Variants in SORCS3 observed in about 807,000 individuals in gnomAD.
The protein encoded by SORCS3 is sortilin related VPS10 domain containing receptor 3, also known as VPS10 domain-containing receptor SorCS3.
SORCS3 carries 57 observed loss-of-function variants against 146.3 expected under a neutral mutation model. That is an observed-to-expected ratio of 0.39 (90% CI 0.31 to 0.49). The LOEUF (loss-of-function observed/expected upper bound fraction) is 0.49, where lower values mean the gene tolerates loss of function less well. SORCS3 is among the 20% of genes least tolerant of loss of function. SORCS3 has a pLI of 0.92. For synonymous variants in SORCS3, 653 were observed against 618.5 expected, an observed-to-expected ratio of 1.06 and a Z score of -0.83; for missense variants, 1,341 against 1,575.5, an observed-to-expected ratio of 0.85 and a Z score of 2.52.
At chr10:105,072,793 G>A (rs975410576) in intron 5 of SORCS3, among the ~76,000 whole-genome samples, 1 of 151,846 alleles carries the variant, frequency 6.6e-6, no homozygotes, top group Admixed American at 6.6e-5. Flanking sequence ...ATTTATGCAG[G>A]CAAAATGGGG....
At chr10:104,771,225 G>A (rs185230128) in intron 1 of SORCS3, among the ~76,000 whole-genome samples, 67 of 152,330 alleles carry the variant, frequency 4.4e-4, no homozygotes, top group African/African-American at 1.3e-3. Flanking sequence ...CAGAATTTGC[G>A]TTTAGCACTA....
intron 4 of SORCS3, among the ~76,000 whole-genome samples, chr10:105,022,105 A>G (rs954131122): frequency 6.6e-6 from 1 of 152,180 alleles, no homozygotes; most frequent in Admixed American, 6.5e-5. Flanking sequence ...ATTCCACATT[A>G]TAGTACAGTG....
At chr10:104,740,197 T>G (rs1461734282) in intron 1 of SORCS3, among the ~76,000 whole-genome samples, 1 of 152,234 alleles carries the variant, frequency 6.6e-6, no homozygotes, top group African/African-American at 2.4e-5. Context: ...ATTAATTATT[T>G]ATGACAAATT....
chr10:105,011,386 T>C lies in SORCS3; in HGVS notation c.955-31669T>C, dbSNP rs188677414. Among the ~76,000 whole-genome samples the C allele has an allele frequency of 2.6e-5, 4 of 152,306 alleles. No homozygotes were observed. The East Asian group carries it at 7.7e-4, about 29-fold the overall frequency. On this transcript the variant is annotated intron_variant, in intron 4 of 26. Coordinates refer to ENST00000369701, the MANE Select transcript of SORCS3 (RefSeq NM_014978.3). ...CAGAAAAACAGTGATATGCTTTTTGTCTATTTGCATTGTATGCAAATACAG... is the reference window on the plus strand; with the variant it reads ...CAGAAAAACAGTGATATGCTTTTTGCCTATTTGCATTGTATGCAAATACAG...
intron 1 of SORCS3, among the ~76,000 whole-genome samples, chr10:104,828,981 G>A (rs1006994964): frequency 6.6e-6 from 1 of 152,120 alleles, no homozygotes; most frequent in African/African-American, 2.4e-5. Flanking sequence ...AGGGCTGAGA[G>A]TTTAAACTTT....
chr10:104,647,690 G>C (rs10736169), intron 1 of SORCS3, among the ~76,000 whole-genome samples: 50,785 of 152,062 alleles, frequency 0.33, 8,641 homozygotes, highest in Admixed American at 0.38. Context: ...GGTAAGAGGA[G>C]AGGAAAGAAG....
chr10:104,656,714 G>C (rs1256867506), intron 1 of SORCS3, among the ~76,000 whole-genome samples: 1 of 151,990 alleles, frequency 6.6e-6, no homozygotes, highest in Non-Finnish European at 1.5e-5. Context: ...CCATGAAAAG[G>C]TTTATAGTAG....
chr10:105,157,210 A>C lies in SORCS3; in HGVS notation c.1555A>C (p.Asn519His). Residue 519 changes from asparagine to histidine, a missense_variant, in exon 10 of 27, where the codon AAC becomes CAC. Physicochemically the swap from Asn to His is moderately conservative, Grantham distance 68. Coordinates refer to ENST00000369701, the MANE Select transcript of SORCS3 (RefSeq NM_014978.3). Reference protein sequence around the residue: ...DDQVKTYITYNKGRDWRLLQA... With the variant: ...DDQVKTYITYHKGRDWRLLQA... ...CCAGGTGAAGACATACATCACTTAC[A>C]ACAAAGGCAGGGATTGGCGCCTGCT... 6.2e-7 allele frequency: 1 copy of C among 1,614,106 alleles called. No individual in the cohort carries two copies. Among genetic ancestry groups the C allele is most frequent in the Non-Finnish European group, 8.5e-7 (1 of 1,179,978 alleles).
chr10:104,884,204 AC>A (rs1190518743), intron 2 of SORCS3, among the ~76,000 whole-genome samples: 1 of 152,200 alleles, frequency 6.6e-6, no homozygotes, highest in African/African-American at 2.4e-5. Flanking sequence ...CCAGTTTGCA[AC>A]CCTGCAGGTG....
chr10:104,842,745 C>T (rs200422172), intron 1 of SORCS3, 47 bp from the exon 2 acceptor site: 5 of 1,359,280 alleles, frequency 3.7e-6, no homozygotes, highest in Admixed American at 4.0e-5. Flanking sequence ...TTCCTTTTTT[C>T]CCTCCCTTTG....
chr10:105,033,719 A>G (rs981817927), intron 4 of SORCS3, among the ~76,000 whole-genome samples: 1 of 152,164 alleles, frequency 6.6e-6, no homozygotes, highest in Non-Finnish European at 1.5e-5. Context: ...AAAAAGAGAG[A>G]TGGTGTTTAT....
chr10:105,125,709 A>ACACACACACACACACACACACACAC, intron 7 of SORCS3, among the ~76,000 whole-genome samples: 1 of 151,736 alleles, frequency 6.6e-6, no homozygotes, highest in East Asian at 1.9e-4. Flanking sequence ...ACACACACAC[A>ACACACACACACACACACACACACAC]AAACAGGCAG....
intron 5 of SORCS3, among the ~76,000 whole-genome samples, chr10:105,076,562 C>T (rs921306717): frequency 6.6e-6 from 1 of 152,188 alleles, no homozygotes; most frequent in African/African-American, 2.4e-5. Context: ...GCACAGGCAG[C>T]CCTCGGGAAG....
chr10:104,871,651 G>C (rs2018520113), intron 2 of SORCS3, among the ~76,000 whole-genome samples: 1 of 152,132 alleles, frequency 6.6e-6, no homozygotes, highest in Admixed American at 6.6e-5. Flanking sequence ...ATTATGCTTT[G>C]GTAATTGGTT....
chr10:105,154,746 T>C (rs985958878), intron 9 of SORCS3, among the ~76,000 whole-genome samples: 6 of 152,250 alleles, frequency 3.9e-5, no homozygotes, highest in Non-Finnish European at 5.9e-5. Flanking sequence ...CTTAGAAATA[T>C]ATGTGTACAT....
intron 6 of SORCS3, among the ~76,000 whole-genome samples, chr10:105,103,657 A>T (rs990119705): frequency 1.3e-5 from 2 of 152,204 alleles, no homozygotes; most frequent in Non-Finnish European, 2.9e-5. Context: ...AGAAGAAAGA[A>T]AAGTTTAGAG....
intron 5 of SORCS3, among the ~76,000 whole-genome samples, chr10:105,078,162 T>G (rs943055904): frequency 3.3e-5 from 5 of 152,304 alleles, no homozygotes; most frequent in Non-Finnish European, 7.3e-5. Context: ...TGCCTAGAGA[T>G]TAATTAAATG....
intron 1 of SORCS3, among the ~76,000 whole-genome samples, chr10:104,715,824 C>T (rs1232441822): frequency 6.6e-6 from 1 of 152,200 alleles, no homozygotes; most frequent in African/African-American, 2.4e-5. Flanking sequence ...TAGATCTATT[C>T]TCCCTGATTT....
chr10:104,742,614 A>G (rs1471218214), intron 1 of SORCS3, among the ~76,000 whole-genome samples: 6 of 152,244 alleles, frequency 3.9e-5, no homozygotes, highest in African/African-American at 1.4e-4. Context: ...ATTGGGCTGC[A>G]GACCTTGGAC....
Sources: gnomAD v4.1 joint callset for allele counts (sites outside exome capture counted in the v4.1 genomes callset) on GRCh38, gnomAD v4.1.1 for gene constraint, MANE v1.5 for transcripts, NCBI Gene and HGNC (gene_info 2026-07-23, HGNC 2026-07-21) for gene names.